ATP10D: variants seen among roughly 807,000 people sequenced by gnomAD.
ATP10D encodes ATPase phospholipid transporting 10D (putative).
ATP10D carries 89 observed loss-of-function variants against 144.8 expected under a neutral mutation model. The observed-to-expected ratio is 0.61, with a 90% confidence interval of 0.52 to 0.73. The LOEUF is 0.73. Among genes scored for constraint, ATP10D ranks in the 30% least tolerant of loss-of-function variants. ATP10D has a pLI of 0.00. For synonymous variants in ATP10D, 571 were observed against 615.1 expected, an observed-to-expected ratio of 0.93 and a Z score of 1.06; for missense variants, 1,603 against 1,714.8, an observed-to-expected ratio of 0.93 and a Z score of 1.15.
intron 9 of ATP10D, among the ~76,000 whole-genome samples, 187 bp from the exon 10 acceptor site, chr4:47,546,437 G>C (rs1718435635): frequency 6.6e-6 from 1 of 152,146 alleles, no homozygotes; most frequent in Non-Finnish European, 1.5e-5. Context: ...AGGGAATTTT[G>C]ATCTGATTGC....
chr4:47,587,415 GAA>G (rs1720842989), intron 22 of ATP10D, among the ~76,000 whole-genome samples: 1 of 152,144 alleles, frequency 6.6e-6, no homozygotes, highest in South Asian at 2.1e-4. Flanking sequence ...TATCTCTCAT[GAA>G]AAAGTTTATC....
intron 5 of ATP10D, among the ~76,000 whole-genome samples, chr4:47,534,171 G>A (rs903841182): frequency 3.9e-5 from 6 of 152,004 alleles, no homozygotes; most frequent in Non-Finnish European, 1.5e-5. Context: ...CCCCTCCTTG[G>A]GTTGGGCTTC....
At chr4:47,573,643 T>A (rs1200110208) in intron 18 of ATP10D, among the ~76,000 whole-genome samples, 2 of 152,226 alleles carry the variant, frequency 1.3e-5, no homozygotes, top group African/African-American at 4.8e-5. Flanking sequence ...TTCCTTTTTT[T>A]ATAAAATCAT....
In ATP10D at chr4:47,503,903, A is replaced by T. The variant is rs572585678; in HGVS notation, c.-37-8601A>T. Among the ~76,000 whole-genome samples the T allele has an allele frequency of 1.1e-3, 169 of 151,598 alleles. 1 individual carries two copies. Among genetic ancestry groups the T allele is most frequent in the African/African-American group, 3.7e-3 (155 of 41,528 alleles). On this transcript the variant is annotated intron_variant, in intron 1 of 22. Transcript: ENST00000273859. ...ATCAGAGCAAGACCTGTCTAAAAAA[A>T]AATAATAAATAAAAAATAAAATAAA...
At chr4:47,499,950 G>C (rs570026679) in intron 1 of ATP10D, among the ~76,000 whole-genome samples, 4 of 152,302 alleles carry the variant, frequency 2.6e-5, no homozygotes, top group African/African-American at 9.6e-5. Flanking sequence ...AATGTGAACT[G>C]TAATAACTTC....
At position 47,592,473 on chromosome 4, in the gene ATP10D, C is replaced by A. The variant is rs529826644; in HGVS notation, c.*1092C>A. 1 of 152,464 alleles carries A rather than the reference C, an allele frequency of 6.6e-6. No homozygotes were observed. The highest frequency in any genetic ancestry group is 1.5e-5 in the Non-Finnish European group (1 of 67,968). 9.4% of individuals were successfully genotyped at this position (152,464 alleles called of 1,614,324 possible). A position where few individuals can be genotyped will look rare whatever the true frequency, so the allele number is the denominator to read the frequency against. ...GTCTATAGCAAGTTTACTCCTATTG[C>A]GAATCATGTATGCTGGCTTTAGTTG... On this transcript the variant is annotated 3_prime_UTR_variant, in exon 23 of 23. Transcript: ENST00000273859.
intron 3 of ATP10D, among the ~76,000 whole-genome samples, chr4:47,518,002 G>A (rs1053992848): frequency 2.6e-5 from 4 of 152,030 alleles, no homozygotes; most frequent in Non-Finnish European, 5.9e-5. Context: ...TAGTGCTTAT[G>A]TTTTTCCCCC....
intron 5 of ATP10D, among the ~76,000 whole-genome samples, chr4:47,532,517 C>T (rs936691775): frequency 6.6e-6 from 1 of 152,200 alleles, no homozygotes; most frequent in African/African-American, 2.4e-5. Context: ...ATCCTGAGAG[C>T]TGGCCTCAGC....
chr4:47,585,700 A>C (rs1008849447), intron 21 of ATP10D, among the ~76,000 whole-genome samples: 5 of 152,052 alleles, frequency 3.3e-5, no homozygotes, highest in African/African-American at 1.2e-4. Context: ...CCATGAGTTC[A>C]ATTGATTTGA....
chr4:47,579,504 C>G (rs1720404457), intron 19 of ATP10D, among the ~76,000 whole-genome samples: 1 of 152,036 alleles, frequency 6.6e-6, no homozygotes, highest in Non-Finnish European at 1.5e-5. Context: ...GTTTGGTGTG[C>G]CTGTATGAGG....
At chr4:47,513,077 T>C (rs2109401032) in intron 2 of ATP10D, among the ~76,000 whole-genome samples, 1 of 152,314 alleles carries the variant, frequency 6.6e-6, no homozygotes, top group East Asian at 1.9e-4. Flanking sequence ...AGGAAATGAC[T>C]TGACTGTGGT....
chr4:47,566,809 G>A (rs772767925), intron 15 of ATP10D, among the ~76,000 whole-genome samples: 1 of 152,214 alleles, frequency 6.6e-6, no homozygotes, highest in South Asian at 2.1e-4. Flanking sequence ...CTTCTGAAAT[G>A]TACCTTATTT....
intron 1 of ATP10D, among the ~76,000 whole-genome samples, 167 bp from the exon 2 acceptor site, chr4:47,512,337 A>G (rs1434198301): frequency 6.6e-6 from 1 of 152,226 alleles, no homozygotes; most frequent in African/African-American, 2.4e-5. Flanking sequence ...CAGAAGATGT[A>G]TGCTTTATTT....
chr4:47,500,797 T>C (rs1457553413), intron 1 of ATP10D, among the ~76,000 whole-genome samples: 1 of 151,890 alleles, frequency 6.6e-6, no homozygotes, highest in East Asian at 1.9e-4. Flanking sequence ...CTCAGAAAAA[T>C]AGAAACAAGG....
At chr4:47,587,697 G>A (rs1309271608) in intron 22 of ATP10D, among the ~76,000 whole-genome samples, 3 of 152,150 alleles carry the variant, frequency 2.0e-5, no homozygotes, top group African/African-American at 4.8e-5. Context: ...TGGTGGAAGG[G>A]CAAAGAGGCA....
chr4:47,488,247 G>A (rs11737854), intron 1 of ATP10D, among the ~76,000 whole-genome samples: 5,156 of 151,790 alleles, frequency 0.034, 132 homozygotes, highest in Non-Finnish European at 0.054. Context: ...AATGTATTCT[G>A]TAAAAAAGTG....
intron 9 of ATP10D, among the ~76,000 whole-genome samples, chr4:47,543,874 G>T (rs1315987312): frequency 1.3e-5 from 2 of 151,846 alleles, no homozygotes; most frequent in Non-Finnish European, 2.9e-5. Flanking sequence ...CATGAAAAAA[G>T]GAGGATCTCA....
Position 47,546,659 on chromosome 4 carries a change from G to C in ATP10D, c.1432G>C (p.Glu478Gln). 3 of 1,614,122 alleles carry C rather than the reference G, an allele frequency of 1.9e-6. No individual in the cohort carries two copies. Among genetic ancestry groups the C allele is most frequent in the Non-Finnish European group, 2.5e-6 (3 of 1,179,970 alleles). Residue 478 changes from glutamate (E) to glutamine (Q), a missense_variant, in exon 10 of 23, where the codon GAA (glutamate) becomes CAA (glutamine). Coordinates refer to ENST00000273859, the MANE Select transcript of ATP10D (RefSeq NM_020453.4). ...GGAGTCCTATCAGGAAGCTGTCTCT[G>C]AAGATGAAGATTTTATAGACACAGT... The part of the protein sequence containing the change: ...RLESYQEAVS[E>Q]DEDFIDTVSG...
intron 5 of ATP10D, among the ~76,000 whole-genome samples, chr4:47,527,284 A>G (rs1717299215): frequency 6.6e-6 from 1 of 152,114 alleles, no homozygotes; most frequent in Admixed American, 6.5e-5. Context: ...CATACCTCTC[A>G]CCATTTACAA....
Sources: gnomAD v4.1 joint callset for allele counts (sites outside exome capture counted in the v4.1 genomes callset) on GRCh38, gnomAD v4.1.1 for gene constraint, MANE v1.5 for transcripts, NCBI Gene and HGNC (gene_info 2026-07-23, HGNC 2026-07-21) for gene names.